The following NDST4 variants were observed in gnomAD, a reference collection of about 807,000 sequenced individuals.
NDST4 encodes the protein N-heparan sulfate sulfotransferase 4.
NDST4 carries 63 observed loss-of-function variants against 100.8 expected under a neutral mutation model. That is an observed-to-expected ratio of 0.62 (90% confidence interval 0.51 to 0.77). The LOEUF (loss-of-function observed/expected upper bound fraction) is 0.77. Ranked by LOEUF, NDST4 falls within the 30% of genes least tolerant of loss-of-function variation. The probability of loss-of-function intolerance (pLI) is 0.00; values close to 1 mark genes in which losing one functional copy is unlikely to be tolerated. For synonymous variants in NDST4, 377 were observed against 361.8 expected (o/e 1.04, Z -0.48); for missense variants, 943 against 1,018.4 (o/e 0.93, Z 1.01).
intron 2 of NDST4, among the ~76,000 whole-genome samples, chr4:114,980,345 T>C (rs539014602): frequency 4.6e-5 from 7 of 152,266 alleles, no homozygotes; most frequent in South Asian, 2.1e-4. Context: ...GTTTTGAATA[T>C]GTGTAATAAA....
At chr4:115,035,559 T>C (rs1025891810) in intron 2 of NDST4, among the ~76,000 whole-genome samples, 5 of 152,070 alleles carry the variant, frequency 3.3e-5, no homozygotes, top group African/African-American at 1.2e-4. Flanking sequence ...TAGCAAATTG[T>C]GGAAACATAA....
intron 2 of NDST4, among the ~76,000 whole-genome samples, chr4:115,002,837 A>T (rs184804225): frequency 6.6e-6 from 1 of 152,188 alleles, no homozygotes; most frequent in African/African-American, 2.4e-5. Context: ...CCAAATGCCC[A>T]TAATTAATAG....
At chr4:114,934,099 T>C (rs1394524088) in intron 6 of NDST4, among the ~76,000 whole-genome samples, 2 of 152,192 alleles carry the variant, frequency 1.3e-5, no homozygotes, top group East Asian at 1.9e-4. Context: ...TATGTGTCAA[T>C]TGACACATGA....
chr4:115,099,253 T>C (rs2126297478), intron 1 of NDST4, among the ~76,000 whole-genome samples: 1 of 152,186 alleles, frequency 6.6e-6, no homozygotes, highest in East Asian at 1.9e-4. Context: ...AAGATCTAGA[T>C]GACCTTGATT....
At chr4:115,103,938 T>C (rs1445697134) in intron 1 of NDST4, among the ~76,000 whole-genome samples, 1 of 152,174 alleles carries the variant, frequency 6.6e-6, no homozygotes, top group Non-Finnish European at 1.5e-5. Flanking sequence ...GAGATGTTCC[T>C]ATTTTAATAC....
chr4:114,910,964 G>A (rs904493338), intron 6 of NDST4, among the ~76,000 whole-genome samples: 8 of 152,106 alleles, frequency 5.3e-5, no homozygotes, highest in African/African-American at 1.7e-4. Flanking sequence ...ATTAATTTCT[G>A]CTTTGCAATA....
At chr4:114,985,457 G>A (rs1030943767) in intron 2 of NDST4, among the ~76,000 whole-genome samples, 1 of 152,076 alleles carries the variant, frequency 6.6e-6, no homozygotes, top group Admixed American at 6.6e-5. Context: ...ATATTATCAA[G>A]CTTTTACTAT....
intron 3 of NDST4, 63 bp from the exon 4 acceptor site, chr4:114,970,647 T>A: frequency 7.1e-7 from 1 of 1,413,370 alleles, no homozygotes; most frequent in Non-Finnish European, 9.6e-7. Context: ...AAGGTTATTT[T>A]TGTCAGATTT....
chr4:115,007,650 G>A (rs1487536901), intron 2 of NDST4, among the ~76,000 whole-genome samples: 1 of 70,904 alleles, frequency 1.4e-5, no homozygotes. Context: ...AAGGAAGGTT[G>A]GGAGAAATGG....
chr4:115,109,661 T>A (rs959280768), intron 1 of NDST4, among the ~76,000 whole-genome samples: 3 of 151,888 alleles, frequency 2.0e-5, no homozygotes, highest in African/African-American at 7.2e-5. Context: ...CCCTTTTTTC[T>A]CAGATTTTTC....
At chr4:114,863,958 G>A (rs1456853289) in intron 7 of NDST4, among the ~76,000 whole-genome samples, 1 of 152,104 alleles carries the variant, frequency 6.6e-6, no homozygotes, top group Non-Finnish European at 1.5e-5. Context: ...AAGCTAAAAA[G>A]AACATAGATT....
chr4:115,044,341 C>T (rs1359265212), intron 2 of NDST4, among the ~76,000 whole-genome samples: 9 of 151,826 alleles, frequency 5.9e-5, no homozygotes, highest in Admixed American at 5.3e-4. Flanking sequence ...CAGACACAAC[C>T]GTGAGCTGAA....
chr4:115,106,644 G>A (rs1361570956), intron 1 of NDST4, among the ~76,000 whole-genome samples: 1 of 152,072 alleles, frequency 6.6e-6, no homozygotes, highest in Non-Finnish European at 1.5e-5. Context: ...CACATGTTTA[G>A]TACAGAAACA....
chr4:115,037,476 C>G (rs974952680), intron 2 of NDST4, among the ~76,000 whole-genome samples: 1 of 152,198 alleles, frequency 6.6e-6, no homozygotes, highest in African/African-American at 2.4e-5. Flanking sequence ...CTTGACATTT[C>G]TGTCTATACA....
rs190230489 is a variant in NDST4 at position 115,079,241 on chromosome 4, A to G, written c.-246-1959T>C. On this transcript the variant is annotated intron_variant, in intron 1 of 13. Coordinates refer to ENST00000264363, the MANE Select transcript of NDST4 (RefSeq NM_022569.3). Reference sequence around the variant, plus strand: ...GTGGTGCATGCCTGTAGTCCCAGCTACTCAAGAGGCTGAGGCAGGATAAAT... The same window carrying G: ...GTGGTGCATGCCTGTAGTCCCAGCTGCTCAAGAGGCTGAGGCAGGATAAAT... Among the ~76,000 whole-genome samples, 27 of 151,744 alleles carry G rather than the reference A, an allele frequency of 1.8e-4. 1 individual carries two copies. In the East Asian group the frequency reaches 5.3e-3, roughly 30 times the overall value.
At chr4:114,965,656 C>G (rs1229800046) in intron 4 of NDST4, among the ~76,000 whole-genome samples, 6 of 151,976 alleles carry the variant, frequency 3.9e-5, no homozygotes. Context: ...ATACTTACCC[C>G]TTCAGGATAT....
intron 4 of NDST4, among the ~76,000 whole-genome samples, chr4:114,947,448 C>G (rs1725891317): frequency 6.6e-6 from 1 of 152,054 alleles, no homozygotes; most frequent in Admixed American, 6.5e-5. Context: ...GCACTACTCC[C>G]TTAATTGCAG....
chr4:114,907,252 C>T (rs1724968268), intron 6 of NDST4, among the ~76,000 whole-genome samples: 1 of 152,090 alleles, frequency 6.6e-6, no homozygotes, highest in Non-Finnish European at 1.5e-5. Flanking sequence ...GGAGAAAATA[C>T]ATCTGGCCCA....
intron 2 of NDST4, among the ~76,000 whole-genome samples, chr4:115,028,477 A>G (rs1296581680): frequency 6.6e-6 from 1 of 152,070 alleles, no homozygotes; most frequent in East Asian, 1.9e-4. Flanking sequence ...TAATATGAAA[A>G]TGTAGAATAA....
Sources: gnomAD v4.1 joint callset for allele counts (sites outside exome capture counted in the v4.1 genomes callset) on GRCh38, gnomAD v4.1.1 for gene constraint, MANE v1.5 for transcripts, NCBI Gene and HGNC (gene_info 2026-07-23, HGNC 2026-07-21) for gene names.